RPS6KC1: variants seen among roughly 807,000 people sequenced by gnomAD.
RPS6KC1 encodes the protein inactive ribosomal protein S6 kinase delta-1.
Under a neutral mutation model 103.8 loss-of-function variants are expected in RPS6KC1, and 54 were observed. The observed-to-expected ratio is 0.52, with a 90% CI of 0.42 to 0.65. The LOEUF is 0.65. RPS6KC1 is among the 30% of genes least tolerant of loss of function. The probability of loss-of-function intolerance (pLI) is 0.00; values close to 1 mark genes in which losing one functional copy is unlikely to be tolerated. For missense variants in RPS6KC1, 1,151 were observed against 1,253.8 expected, an observed-to-expected ratio of 0.92 and a Z score of 1.24; for synonymous variants, 439 against 438.7, an observed-to-expected ratio of 1.00 and a Z score of -0.01.
chr1:213,523,443 C>T, the RPS6KC1 span, among the ~76,000 whole-genome samples: 5 of 152,274 alleles, frequency 3.3e-5, no homozygotes, highest in South Asian at 4.2e-4. Flanking sequence ...GCAGGGTTGC[C>T]ACAGACCTTC....
At chr1:213,548,841 T>A in the RPS6KC1 span, among the ~76,000 whole-genome samples, 4 of 152,240 alleles carry the variant, frequency 2.6e-5, no homozygotes, top group African/African-American at 9.6e-5. Flanking sequence ...ATATGCTTTA[T>A]ATACTTTATT....
At chr1:213,388,647 TCTC>T in the RPS6KC1 span, among the ~76,000 whole-genome samples, 1 of 152,158 alleles carries the variant, frequency 6.6e-6, no homozygotes, top group South Asian at 2.1e-4. Context: ...ACTTTGGCCA[TCTC>T]CTCATCACCC....
At chr1:213,069,320 G>A (rs1298456244) in intron 1 of RPS6KC1, among the ~76,000 whole-genome samples, 1 of 152,152 alleles carries the variant, frequency 6.6e-6, no homozygotes, top group African/African-American at 2.4e-5. Context: ...CAAGATATTT[G>A]TTCTCTGGAA....
rs552108933 is a variant in RPS6KC1, at chr1:213,104,675, AAGT to A, written c.378+109_378+111del. The stretch of plus-strand genomic sequence containing the variant: ...TTTTGAATTTCGTTATTCACTATAA[AAGT>A]AGAAATTAATAGCTCTATAATAATG... On this transcript the variant is annotated intron_variant, in intron 4 of 14. Coordinates refer to ENST00000366960, the MANE Select transcript of RPS6KC1 (RefSeq NM_012424.6). 5.6e-4 allele frequency: 307 copies of A among 552,534 alleles called. No homozygotes were observed. In the African/African-American group the frequency reaches 5.6e-3, roughly 10 times the overall value. The allele number at this position is 552,534 out of a possible 1,614,324, so 34.2% of individuals were successfully genotyped here. A position where few individuals can be genotyped will look rare whatever the true frequency, so the allele number is the denominator to read the frequency against.
the RPS6KC1 span, among the ~76,000 whole-genome samples, chr1:213,664,198 G>GGGGGGC: frequency 7.0e-6 from 1 of 143,174 alleles, no homozygotes; most frequent in East Asian, 2.3e-4. Context: ...TGAGCGGGGG[G>GGGGGGC]GCGGGGTGGG....
chr1:213,215,180 T>G (rs1271051591), intron 8 of RPS6KC1, among the ~76,000 whole-genome samples: 2 of 152,138 alleles, frequency 1.3e-5, no homozygotes, highest in African/African-American at 4.8e-5. Context: ...GAGAAGTGTT[T>G]AAAGGACCTG....
At chr1:213,387,910 T>C in the RPS6KC1 span, among the ~76,000 whole-genome samples, 1 of 152,264 alleles carries the variant, frequency 6.6e-6, no homozygotes, top group Non-Finnish European at 1.5e-5. Flanking sequence ...GCCCTGCTCC[T>C]AAACCAGTTG....
chr1:213,690,235 C>T, the RPS6KC1 span, among the ~76,000 whole-genome samples: 1 of 152,120 alleles, frequency 6.6e-6, no homozygotes, highest in African/African-American at 2.4e-5. Context: ...TTGTTCCTTC[C>T]CACTGTGCTC....
intron 10 of RPS6KC1, 55 bp downstream of exon 10, chr1:213,232,310 C>G: frequency 6.2e-7 from 1 of 1,605,546 alleles, no homozygotes; most frequent in Non-Finnish European, 8.5e-7. Context: ...TACTTAGCTT[C>G]CAGTTTCTCT....
chr1:213,216,463 A>G (rs1045978282), intron 8 of RPS6KC1, among the ~76,000 whole-genome samples: 13 of 152,152 alleles, frequency 8.5e-5, no homozygotes, highest in African/African-American at 2.9e-4. Context: ...ACAGATCAAC[A>G]AGACAGAAAG....
chr1:213,560,440 T>C, the RPS6KC1 span, among the ~76,000 whole-genome samples: 2 of 152,138 alleles, frequency 1.3e-5, no homozygotes, highest in Non-Finnish European at 2.9e-5. Context: ...GGAATGCAGG[T>C]GGCCTCTCTG....
chr1:213,125,627 TG>T (rs1158580598), intron 5 of RPS6KC1: 4 of 5,088 alleles, frequency 7.9e-4, no homozygotes, highest in Non-Finnish European at 2.9e-3. Flanking sequence ...TTTATCTGCT[TG>T]TGTGTGTGTG....
chr1:213,087,090 G>C (rs1256567126), intron 3 of RPS6KC1, among the ~76,000 whole-genome samples: 1 of 151,948 alleles, frequency 6.6e-6, no homozygotes. Flanking sequence ...CAGGATGTCA[G>C]ATGATGTTTC....
At chr1:213,510,465 C>T in the RPS6KC1 span, among the ~76,000 whole-genome samples, 1 of 152,174 alleles carries the variant, frequency 6.6e-6, no homozygotes, top group Non-Finnish European at 1.5e-5. Flanking sequence ...TACCCCCTAA[C>T]TTCATATTGT....
the RPS6KC1 span, among the ~76,000 whole-genome samples, chr1:213,680,750 G>A: frequency 6.6e-6 from 1 of 152,126 alleles, no homozygotes; most frequent in Non-Finnish European, 1.5e-5. Context: ...TACTGAGTAA[G>A]GCAGGTTTGA....
chr1:213,056,123 G>C (rs1054147862), intron 1 of RPS6KC1, among the ~76,000 whole-genome samples: 2 of 152,158 alleles, frequency 1.3e-5, no homozygotes, highest in Admixed American at 1.3e-4. Context: ...ATAAATCCTA[G>C]TTTTATTATA....
At chr1:213,463,494 CA>C in the RPS6KC1 span, among the ~76,000 whole-genome samples, 3 of 152,058 alleles carry the variant, frequency 2.0e-5, no homozygotes, top group Non-Finnish European at 4.4e-5. Flanking sequence ...CAGTTTCCCC[CA>C]ATAGTAAACT....
the RPS6KC1 span, among the ~76,000 whole-genome samples, chr1:213,688,961 C>A: frequency 2.6e-5 from 4 of 152,116 alleles, no homozygotes; most frequent in African/African-American, 9.7e-5. Flanking sequence ...TACTTTTTTT[C>A]ACGTTGTGGG....
the RPS6KC1 span, among the ~76,000 whole-genome samples, chr1:213,423,566 C>T: frequency 6.6e-6 from 1 of 152,182 alleles, no homozygotes; most frequent in Non-Finnish European, 1.5e-5. Flanking sequence ...TCAGCCAAGG[C>T]TCACTGCTGA....
Sources: allele counts gnomAD v4.1 joint callset (sites outside exome capture counted in the v4.1 genomes callset), GRCh38; gene constraint gnomAD v4.1.1; transcripts MANE v1.5; gene names NCBI Gene and HGNC (gene_info 2026-07-23, HGNC 2026-07-21).